Variants in GFRA2 observed in about 807,000 individuals in gnomAD.
The protein encoded by GFRA2 is GDNF family receptor alpha-2.
In GFRA2, 17 loss-of-function variants were observed where a neutral mutation model predicts 48.3. The observed-to-expected ratio is 0.35, with a 90% CI of 0.24 to 0.53. The LOEUF is 0.53. Among genes scored for constraint, GFRA2 ranks in the 20% least tolerant of loss-of-function variants. The pLI is 0.93. For missense variants in GFRA2, 660 were observed against 637.3 expected, an observed-to-expected ratio of 1.04 and a Z score of -0.38; for synonymous variants, 305 against 257.2, an observed-to-expected ratio of 1.19 and a Z score of -1.78.
intron 4 of GFRA2, among the ~76,000 whole-genome samples, chr8:21,743,524 G>A (rs982420255): frequency 3.9e-5 from 6 of 152,210 alleles, no homozygotes; most frequent in Non-Finnish European, 8.8e-5. Context: ...TTGACAAAGA[G>A]TCCCCTCCTT....
At chr8:21,739,069 C>A (rs1804623536) in intron 4 of GFRA2, among the ~76,000 whole-genome samples, 1 of 152,158 alleles carries the variant, frequency 6.6e-6, no homozygotes, top group African/African-American at 2.4e-5. Flanking sequence ...TCACAGTGCA[C>A]CCCCATGGAT....
chr8:21,787,263 C>CGG lies in GFRA2; in HGVS notation c.40+855_40+856dup, dbSNP rs1212097090. ...CCTCTCCTCCCTGTCTTGGAGGCGG[C>CGG]GGGGGGGGCAGTGGGGGGGGTTTGC... On this transcript the variant is annotated intron_variant, in intron 1 of 8. Transcript: ENST00000524240. Among the ~76,000 whole-genome samples, 10 of 49,214 alleles carry CGG rather than the reference C, an allele frequency of 2.0e-4. No homozygotes were observed. In the East Asian group the frequency reaches 4.6e-3, roughly 23 times the overall value. 32.3% of individuals were successfully genotyped at this position (49,214 alleles called of 152,430 possible).
chr8:21,757,506 C>CTTTTTTTTTTTTTTT (rs5889999), intron 3 of GFRA2, among the ~76,000 whole-genome samples: 1,793 of 145,362 alleles, frequency 0.012, 96 homozygotes, highest in African/African-American at 0.042. Flanking sequence ...TTCCTTAATC[C>CTTTTTTTTTTTTTTT]TTTTTTTTGA....
chr8:21,696,773 A>T (rs962992746), intron 7 of GFRA2, among the ~76,000 whole-genome samples: 2 of 152,060 alleles, frequency 1.3e-5, no homozygotes, highest in Non-Finnish European at 2.9e-5. Context: ...GACACTGGCA[A>T]GTATTACACA....
intron 2 of GFRA2, 28 bp downstream of exon 2, chr8:21,782,555 TCC>T: frequency 6.6e-7 from 1 of 1,513,876 alleles, no homozygotes; most frequent in Non-Finnish European, 8.9e-7. Flanking sequence ...CCACACCCCC[TCC>T]CCTTGGGCAA....
intron 3 of GFRA2, among the ~76,000 whole-genome samples, chr8:21,751,383 T>C (rs1275494922): frequency 1.3e-5 from 2 of 152,168 alleles, no homozygotes; most frequent in Admixed American, 6.5e-5. Context: ...CATGATGGGA[T>C]TGTCAGCAGC....
At position 21,743,255 on chromosome 8, in the gene GFRA2, C is replaced by G. The variant is rs577977106; in HGVS notation, c.794+7333G>C. Among the ~76,000 whole-genome samples the G allele has an allele frequency of 6.6e-5, 10 of 152,268 alleles. No individual in the cohort carries two copies. The South Asian group carries it at 2.1e-3, about 32-fold the overall frequency. Reference sequence around the variant, plus strand: ...AGGGGGTGGCCTTTTCCCCCCGACACTCCTCTGCACAGCTTTGCTCTGGGG... The same window carrying G: ...AGGGGGTGGCCTTTTCCCCCCGACAGTCCTCTGCACAGCTTTGCTCTGGGG... On this transcript the variant is annotated intron_variant, in intron 4 of 8. Coordinates refer to ENST00000524240, the MANE Select transcript of GFRA2 (RefSeq NM_001495.5).
At chr8:21,702,316 G>A (rs1345403209) in intron 7 of GFRA2, among the ~76,000 whole-genome samples, 1 of 152,218 alleles carries the variant, frequency 6.6e-6, no homozygotes, top group African/African-American at 2.4e-5. Context: ...GGAGGGGGAA[G>A]GAAGCAGAAA....
intron 4 of GFRA2, among the ~76,000 whole-genome samples, chr8:21,707,210 G>A (rs985241417): frequency 6.6e-6 from 1 of 152,192 alleles, no homozygotes; most frequent in Non-Finnish European, 1.5e-5. Context: ...CTGCAGGATG[G>A]ACCAGAACCC....
chr8:21,706,993 C>T (rs902410346), intron 4 of GFRA2, among the ~76,000 whole-genome samples: 7 of 152,228 alleles, frequency 4.6e-5, no homozygotes, highest in Non-Finnish European at 8.8e-5. Context: ...TCCCCCTCTG[C>T]CATGTCAAGT....
intron 2 of GFRA2, among the ~76,000 whole-genome samples, chr8:21,780,598 T>C (rs1806934838): frequency 6.6e-6 from 1 of 152,128 alleles, no homozygotes; most frequent in African/African-American, 2.4e-5. Context: ...CCCTCGACTC[T>C]AGACCTGCAC....
chr8:21,804,293 A>C (rs373789755), intron 2 of GFRA2, among the ~76,000 whole-genome samples: 8 of 152,238 alleles, frequency 5.3e-5, no homozygotes, highest in African/African-American at 1.9e-4. Flanking sequence ...CACTAGTTAC[A>C]TAACCTTAGG....
intron 4 of GFRA2, among the ~76,000 whole-genome samples, chr8:21,743,729 A>T (rs959628584): frequency 2.6e-5 from 4 of 152,178 alleles, no homozygotes; most frequent in Admixed American, 1.3e-4. Flanking sequence ...TGGAACATCC[A>T]TGCTGCCCCT....
chr8:21,708,391 G>A (rs1340279614), intron 4 of GFRA2, among the ~76,000 whole-genome samples: 1 of 152,104 alleles, frequency 6.6e-6, no homozygotes, highest in Non-Finnish European at 1.5e-5. Context: ...GGGGAAGGTG[G>A]GAGTCTCCAT....
At chr8:21,712,412 G>A (rs760580210) in intron 4 of GFRA2, among the ~76,000 whole-genome samples, 2,721 of 151,954 alleles carry the variant, frequency 0.018, 41 homozygotes, top group Middle Eastern at 0.055. Context: ...GACGATGGGC[G>A]GCCGGGCAGA....
At chr8:21,798,640 A>G (rs1192896729) in intron 2 of GFRA2, among the ~76,000 whole-genome samples, 1 of 152,202 alleles carries the variant, frequency 6.6e-6, no homozygotes, top group Admixed American at 6.5e-5. Flanking sequence ...ATGCTTTGAA[A>G]TGTAAGCAAT....
intron 1 of GFRA2, among the ~76,000 whole-genome samples, chr8:21,786,588 C>G (rs960229025): frequency 1.2e-4 from 19 of 152,294 alleles, no homozygotes; most frequent in Non-Finnish European, 2.6e-4. Flanking sequence ...GGGCCCAGAG[C>G]AACTTCCAGC....
intron 3 of GFRA2, among the ~76,000 whole-genome samples, chr8:21,752,547 C>T (rs1339319689): frequency 6.6e-6 from 1 of 152,130 alleles, no homozygotes; most frequent in African/African-American, 2.4e-5. Flanking sequence ...TGCACCTGCT[C>T]CCTGGGACTC....
intron 4 of GFRA2, among the ~76,000 whole-genome samples, chr8:21,711,099 A>G (rs1435493196): frequency 6.6e-6 from 1 of 152,128 alleles, no homozygotes; most frequent in Non-Finnish European, 1.5e-5. Flanking sequence ...TCCAAGGCAA[A>G]TGTTATGCTT....
Sources: gnomAD v4.1 joint callset for allele counts (sites outside exome capture counted in the v4.1 genomes callset) on GRCh38, gnomAD v4.1.1 for gene constraint, MANE v1.5 for transcripts, NCBI Gene and HGNC (gene_info 2026-07-23, HGNC 2026-07-21) for gene names.